Variants in RNF6 observed in about 807,000 individuals in gnomAD.
The protein encoded by RNF6 is E3 ubiquitin-protein ligase RNF6.
RNF6 carries 21 observed loss-of-function variants against 50.1 expected under a neutral mutation model. The observed-to-expected ratio is 0.42, with a 90% CI of 0.30 to 0.60. The LOEUF is 0.60. Among genes scored for constraint, RNF6 ranks in the 20% least tolerant of loss-of-function variants. The pLI, the probability that RNF6 is intolerant of heterozygous loss-of-function variation, is 0.20. For synonymous variants in RNF6, 255 were observed against 291.8 expected (o/e 0.87, Z 1.29); for missense variants, 698 against 838.2 (o/e 0.83, Z 2.07).
In RNF6 at chr13:26,214,835, G is replaced by T. The variant is rs61740522; in HGVS notation, c.1047C>A (p.Val349=). 16 of 1,614,168 alleles carry T rather than the reference G, an allele frequency of 9.9e-6. No individual in the cohort carries two copies. The African/African-American group carries it at 1.5e-4, about 15-fold the overall frequency. Residue 349 remains valine (V), a synonymous_variant, in exon 5 of 5, where the codon GTC becomes GTA. Transcript: ENST00000381588. ...RSVRRRGRTR[V]FLEQDRERER... ...CTCGTTCTCTATCTTGCTCTAAAAA[G>T]ACTCGAGTTCTACCTCTCCTCCTAA...
chr13:26,141,718 A>C (rs1870963140), intron 5 of RNF6, among the ~76,000 whole-genome samples: 2 of 152,296 alleles, frequency 1.3e-5, no homozygotes, highest in South Asian at 4.1e-4. Context: ...CTCACCATAT[A>C]CAAAAATTAA....
intron 5 of RNF6, chr13:26,150,952 T>C (rs1433997510): frequency 1.3e-5 from 2 of 152,210 alleles, no homozygotes; most frequent in Non-Finnish European, 2.9e-5. Flanking sequence ...TATCAATTCT[T>C]GTTATATTTT....
downstream of RNF6, among the ~76,000 whole-genome samples, chr13:26,210,611 C>A (rs114717968): frequency 7.2e-3 from 1,093 of 152,224 alleles, 11 homozygotes; most frequent in African/African-American, 0.024. Flanking sequence ...AGAAAAATAT[C>A]TTTAGGAGGA....
intron 5 of RNF6, among the ~76,000 whole-genome samples, chr13:26,178,089 T>C (rs549352816): frequency 6.6e-6 from 1 of 152,178 alleles, no homozygotes; most frequent in Non-Finnish European, 1.5e-5. Flanking sequence ...CTCAGGAGGC[T>C]GAGGTGGGAG....
At chr13:26,158,081 GGATAGATGGATA>G (rs1213979453) in intron 5 of RNF6, among the ~76,000 whole-genome samples, 1 of 152,076 alleles carries the variant, frequency 6.6e-6, no homozygotes, top group Non-Finnish European at 1.5e-5. Flanking sequence ...AAACATGAAT[GGATAGATGGATA>G]GATAGACAGA....
intron 5 of RNF6, among the ~76,000 whole-genome samples, chr13:26,190,852 G>A (rs1593178043): frequency 1.3e-5 from 2 of 152,202 alleles, no homozygotes; most frequent in South Asian, 4.1e-4. Flanking sequence ...GCAATGGCCA[G>A]TGGATTCATG....
intron 5 of RNF6, among the ~76,000 whole-genome samples, chr13:26,172,382 T>C (rs368416487): frequency 3.3e-5 from 5 of 152,190 alleles, no homozygotes; most frequent in African/African-American, 1.2e-4. Flanking sequence ...AAAGAAAACA[T>C]TGGTGACATC....
At chr13:26,133,965 A>T (rs1199630523) in intron 5 of RNF6, among the ~76,000 whole-genome samples, 1 of 152,224 alleles carries the variant, frequency 6.6e-6, no homozygotes, top group African/African-American at 2.4e-5. Context: ...GATATCATTT[A>T]AACTGTCTGT....
intron 5 of RNF6, among the ~76,000 whole-genome samples, chr13:26,168,585 T>TG (rs1213953233): frequency 1.3e-5 from 2 of 152,222 alleles, no homozygotes; most frequent in Admixed American, 1.3e-4. Context: ...GTAAATGGTG[T>TG]GGCCTTTTGG....
intron 5 of RNF6, among the ~76,000 whole-genome samples, chr13:26,180,371 G>A (rs1221071385): frequency 6.6e-6 from 1 of 151,992 alleles, no homozygotes; most frequent in Non-Finnish European, 1.5e-5. Flanking sequence ...CAGTTTAGAG[G>A]GTCACCTTTC....
chr13:26,147,005 T>C (rs926852553), intron 5 of RNF6, among the ~76,000 whole-genome samples: 1 of 152,208 alleles, frequency 6.6e-6, no homozygotes, highest in Non-Finnish European at 1.5e-5. Context: ...TGCAAAACTG[T>C]GAGCTAATTA....
At chr13:26,167,483 A>G (rs1448306331) in intron 5 of RNF6, among the ~76,000 whole-genome samples, 1 of 152,242 alleles carries the variant, frequency 6.6e-6, no homozygotes, top group Non-Finnish European at 1.5e-5. Flanking sequence ...AGAAATGGAA[A>G]TCAAAACCAT....
chr13:26,209,453 T>A (rs1268731249), downstream of RNF6, among the ~76,000 whole-genome samples: 1 of 152,216 alleles, frequency 6.6e-6, no homozygotes, highest in Non-Finnish European at 1.5e-5. Context: ...CTTTCCCTGT[T>A]TTTGTTTGAT....
chr13:26,169,197 C>T (rs940807720), intron 5 of RNF6, among the ~76,000 whole-genome samples: 5 of 152,136 alleles, frequency 3.3e-5, no homozygotes, highest in African/African-American at 1.2e-4. Context: ...AGCTCATGCA[C>T]CCCATCCCCT....
Position 26,215,397 on chromosome 13 carries a change from A to G in RNF6, c.485T>C (p.Phe162Ser), listed in dbSNP as rs775152460. ...EIHVNHENRGFEIHGEDYTDI... is the reference protein window; with the variant it reads ...EIHVNHENRGSEIHGEDYTDI... ...TGTATAATCTTCTCCATGAATTTCAAATCCTCTATTTTCATGATTTACGTG... is the reference window on the plus strand; with the variant it reads ...TGTATAATCTTCTCCATGAATTTCAGATCCTCTATTTTCATGATTTACGTG... The change falls in exon 5 of 5, where the codon TTT (phenylalanine) becomes TCT (serine). Residue 162 changes from phenylalanine (F) to serine (S), a missense_variant. By Grantham distance (155) the Phe-to-Ser change is radical. Coordinates refer to ENST00000381588, the MANE Select transcript of RNF6 (RefSeq NM_005977.4). 10 of 1,614,184 alleles carry G rather than the reference A, an allele frequency of 6.2e-6. No homozygotes were observed. Among genetic ancestry groups the G allele is most frequent in the African/African-American group, 1.3e-5 (1 of 75,046 alleles).
At chr13:26,133,901 C>T (rs969858630) in intron 5 of RNF6, among the ~76,000 whole-genome samples, 31 of 152,162 alleles carry the variant, frequency 2.0e-4, no homozygotes, top group Middle Eastern at 3.4e-3. Context: ...ATATATATGA[C>T]GAAGATTTTC....
rs111816388 is a variant in RNF6 at position 26,169,599 on chromosome 13, A to T, written n.769-37148T>A. ...TGAAATATATATAAATCTTCTTAAG[A>T]GTCTCTTGCCGGCCTTAAGACCCAG... On this transcript the variant is annotated intron_variant and non_coding_transcript_variant, in intron 5 of 5. Transcript: ENST00000468480. 7.5e-3 allele frequency among the ~76,000 whole-genome samples: 1,144 copies of T among 152,272 alleles called. 9 individuals are homozygous for T. Among genetic ancestry groups the T allele is most frequent in the African/African-American group, 0.026 (1,096 of 41,546 alleles).
intron 5 of RNF6, among the ~76,000 whole-genome samples, chr13:26,157,909 TG>T (rs1872011397): frequency 6.7e-6 from 1 of 148,630 alleles, no homozygotes; most frequent in Admixed American, 6.6e-5. Flanking sequence ...GATGGATGGA[TG>T]GATGGATGGA....
chr13:26,192,521 A>G (rs1868503279), intron 5 of RNF6, among the ~76,000 whole-genome samples: 1 of 152,222 alleles, frequency 6.6e-6, no homozygotes, highest in African/African-American at 2.4e-5. Context: ...CCTGCTTCTA[A>G]TTAGAAGAAT....
Sources: gnomAD v4.1 joint callset for allele counts (sites outside exome capture counted in the v4.1 genomes callset) on GRCh38, gnomAD v4.1.1 for gene constraint, MANE v1.5 for transcripts, NCBI Gene and HGNC (gene_info 2026-07-23, HGNC 2026-07-21) for gene names.